The following HDAC9 variants were observed in gnomAD, a reference collection of about 807,000 sequenced individuals.
HDAC9 encodes the protein histone deacetylase 9.
In HDAC9, 41 loss-of-function variants were observed where a neutral mutation model predicts 139.4. That is an observed-to-expected ratio of 0.29 (90% CI 0.23 to 0.38). The LOEUF (loss-of-function observed/expected upper bound fraction) is 0.38. Ranked by LOEUF, HDAC9 falls within the 10% of genes least tolerant of loss-of-function variation. The probability of loss-of-function intolerance (pLI) is 1.00; values close to 1 mark genes in which losing one functional copy is unlikely to be tolerated. For synonymous variants in HDAC9, 517 were observed against 476.2 expected (o/e 1.09, Z -1.12); for missense variants, 1,147 against 1,297.0 (o/e 0.88, Z 1.78).
chr7:18,444,227 T>C (rs1792073591), intron 1 of HDAC9, among the ~76,000 whole-genome samples: 1 of 150,858 alleles, frequency 6.6e-6, no homozygotes, highest in Non-Finnish European at 1.5e-5. Context: ...TAGTCCCAGC[T>C]ACTTGGGAGC....
intron 22 of HDAC9, among the ~76,000 whole-genome samples, chr7:18,898,501 A>G (rs1801415548): frequency 6.6e-6 from 1 of 151,984 alleles, no homozygotes; most frequent in South Asian, 2.1e-4. Context: ...AAGAGAACAT[A>G]TTATTTCTGA....
chr7:18,678,233 T>C (rs992147725), intron 12 of HDAC9, among the ~76,000 whole-genome samples: 1 of 151,874 alleles, frequency 6.6e-6, no homozygotes, highest in African/African-American at 2.4e-5. Flanking sequence ...TAGTTTATTT[T>C]TATCTGCTTG....
chr7:18,306,228 C>T (rs868644944), intron 1 of HDAC9, among the ~76,000 whole-genome samples: 1 of 152,134 alleles, frequency 6.6e-6, no homozygotes, highest in Non-Finnish European at 1.5e-5. Flanking sequence ...TCCTGAACAT[C>T]GTTATTAGTT....
chr7:18,842,443 A>G (rs986799194), intron 21 of HDAC9, among the ~76,000 whole-genome samples: 1 of 152,136 alleles, frequency 6.6e-6, no homozygotes, highest in African/African-American at 2.4e-5. Context: ...GTAACAAAGC[A>G]GTAATGATTT....
chr7:18,240,973 A>G (rs1189457513), intron 2 of HDAC9, among the ~76,000 whole-genome samples: 3 of 152,174 alleles, frequency 2.0e-5, no homozygotes, highest in Admixed American at 6.6e-5. Flanking sequence ...ATCTGAAGTT[A>G]AATAGGACCA....
At chr7:18,366,963 T>A (rs1784231110) in intron 1 of HDAC9, among the ~76,000 whole-genome samples, 3 of 152,104 alleles carry the variant, frequency 2.0e-5, no homozygotes, top group Non-Finnish European at 4.4e-5. Context: ...TTGGCTAGTT[T>A]TATTAACATG....
intron 2 of HDAC9, among the ~76,000 whole-genome samples, chr7:18,285,055 A>AC (rs1440019249): frequency 1.3e-5 from 2 of 152,144 alleles, no homozygotes; most frequent in Non-Finnish European, 2.9e-5. Context: ...AGTAAAATGA[A>AC]CTAAAATTCC....
intron 13 of HDAC9, among the ~76,000 whole-genome samples, chr7:18,731,383 G>C (rs1786030786): frequency 6.6e-6 from 1 of 151,936 alleles, no homozygotes; most frequent in Non-Finnish European, 1.5e-5. Context: ...ATACTTTTTG[G>C]TGCTACTAAG....
At chr7:18,907,560 C>T (rs1802372689) in intron 22 of HDAC9, among the ~76,000 whole-genome samples, 1 of 152,106 alleles carries the variant, frequency 6.6e-6, no homozygotes, top group Non-Finnish European at 1.5e-5. Context: ...CAAAATTTGC[C>T]AAAAGGTCAA....
intron 1 of HDAC9, among the ~76,000 whole-genome samples, chr7:18,333,548 C>A (rs1319655): frequency 0.22 from 33,222 of 151,256 alleles, 3,764 homozygotes; most frequent in Middle Eastern, 0.25. Context: ...GTTTTTAAAA[C>A]ACTTGCAATC....
intron 24 of HDAC9, among the ~76,000 whole-genome samples, chr7:18,968,116 C>T (rs939704006): frequency 5.3e-5 from 8 of 152,030 alleles, no homozygotes; most frequent in East Asian, 1.9e-4. Context: ...GAGCCGAGAT[C>T]GCGCCATTGC....
At chr7:18,114,608 G>T (rs147598004) in intron 1 of HDAC9, among the ~76,000 whole-genome samples, 6 of 152,112 alleles carry the variant, frequency 3.9e-5, no homozygotes, top group Admixed American at 1.3e-4. Context: ...TCCTTCTGGC[G>T]GAGAGGATCC....
chr7:18,667,134 C>G (rs1795077240), intron 12 of HDAC9: 2 of 984,956 alleles, frequency 2.0e-6, no homozygotes, highest in Admixed American at 6.2e-5. Flanking sequence ...AATTGCAGCA[C>G]TACTTTAAAT....
At chr7:18,404,870 G>GT (rs1200919801) in intron 1 of HDAC9, among the ~76,000 whole-genome samples, 1 of 152,174 alleles carries the variant, frequency 6.6e-6, no homozygotes, top group Non-Finnish European at 1.5e-5. Flanking sequence ...TACGATTATT[G>GT]TTTATCTGAT....
intron 3 of HDAC9, 27 bp downstream of exon 3, chr7:18,585,549 C>T: frequency 1.9e-6 from 3 of 1,609,156 alleles, no homozygotes; most frequent in Non-Finnish European, 2.5e-6. Context: ...TGTCTGTGAC[C>T]TTACTCAGGA....
intron 2 of HDAC9, among the ~76,000 whole-genome samples, chr7:18,251,148 C>T (rs1794894401): frequency 6.6e-6 from 1 of 152,158 alleles, no homozygotes. Context: ...AATTATGGTC[C>T]ATATACAGCA....
At chr7:18,901,111 T>C (rs975921761) in intron 22 of HDAC9, among the ~76,000 whole-genome samples, 4 of 151,538 alleles carry the variant, frequency 2.6e-5, no homozygotes, top group African/African-American at 7.3e-5. Flanking sequence ...TCTAATAATA[T>C]ACTACAGAGA....
intron 14 of HDAC9, among the ~76,000 whole-genome samples, chr7:18,750,729 A>T (rs1008284483): frequency 1.3e-5 from 2 of 152,190 alleles, no homozygotes; most frequent in African/African-American, 4.8e-5. Context: ...TCCCATATGG[A>T]GTCCATAAAG....
chr7:18,531,316 A>T (rs993104753), intron 2 of HDAC9, among the ~76,000 whole-genome samples: 2 of 152,108 alleles, frequency 1.3e-5, no homozygotes, highest in African/African-American at 4.8e-5. Flanking sequence ...GCATCATATA[A>T]ATATGCTTTA....
Sources: gnomAD v4.1 joint callset for allele counts (sites outside exome capture counted in the v4.1 genomes callset) on GRCh38, gnomAD v4.1.1 for gene constraint, MANE v1.5 for transcripts, NCBI Gene and HGNC (gene_info 2026-07-23, HGNC 2026-07-21) for gene names.